CRTAC1: variants seen among roughly 807,000 people sequenced by gnomAD.
The protein encoded by CRTAC1 is acidic secreted protein in cartilage.
Under a neutral mutation model 67.8 loss-of-function variants are expected in CRTAC1, and 37 were observed. The ratio of observed to expected loss-of-function variants is 0.55; its 90% CI spans 0.42 to 0.72. CRTAC1 has a LOEUF of 0.72. CRTAC1 is among the 30% of genes least tolerant of loss of function. The pLI is 0.00. For missense variants in CRTAC1, 780 were observed against 931.6 expected (o/e 0.84, Z 2.12); for synonymous variants, 348 against 371.0 (o/e 0.94, Z 0.71).
chr10:97,954,440 C>T (rs1451725733), intron 2 of CRTAC1, among the ~76,000 whole-genome samples: 2 of 152,154 alleles, frequency 1.3e-5, no homozygotes, highest in African/African-American at 4.8e-5. Context: ...AGCTGGGGTT[C>T]AGGAGGAAAG....
intron 8 of CRTAC1, among the ~76,000 whole-genome samples, chr10:97,898,111 G>C (rs1158605283): frequency 6.6e-6 from 1 of 152,220 alleles, no homozygotes; most frequent in Non-Finnish European, 1.5e-5. Context: ...CTTGGTTCAG[G>C]TGACAATGCA....
At chr10:97,881,202 G>T (rs896574067) in intron 13 of CRTAC1, among the ~76,000 whole-genome samples, 2 of 152,142 alleles carry the variant, frequency 1.3e-5, no homozygotes, top group Non-Finnish European at 2.9e-5. Context: ...GCAAAATTCA[G>T]ACTCCCTACA....
At chr10:97,967,043 G>A (rs565799805) in intron 2 of CRTAC1, among the ~76,000 whole-genome samples, 1 of 150,084 alleles carries the variant, frequency 6.7e-6, no homozygotes, top group South Asian at 2.1e-4. Context: ...TCACTATGCG[G>A]CACCTACGCA....
chr10:97,999,406 T>C (rs1446413794), intron 2 of CRTAC1, among the ~76,000 whole-genome samples: 1 of 152,234 alleles, frequency 6.6e-6, no homozygotes, highest in Non-Finnish European at 1.5e-5. Context: ...CCGGGCACTG[T>C]TGTGGCCCAG....
chr10:97,880,343 G>C lies in CRTAC1; in HGVS notation c.1725C>G (p.Pro575=), dbSNP rs769489292. The part of the protein sequence containing the change: ...QFPFVCPRDK[P]VCVNTYGSYR... ...AGCTTCCATAGGTGTTGACACATAC[G>C]GGCTTGTCTCGAGGGCACACGAATG... Residue 575 remains proline, a synonymous_variant, in exon 14 of 15, where the codon CCC becomes CCG. Transcript: ENST00000370597. The C allele has an allele frequency of 6.2e-7, 1 of 1,614,170 alleles. No individual in the cohort carries two copies. The highest frequency in any genetic ancestry group is 8.5e-7 in the Non-Finnish European group (1 of 1,179,990).
chr10:97,934,486 G>GCCCCTT (rs60934899), intron 3 of CRTAC1, among the ~76,000 whole-genome samples: 2 of 152,068 alleles, frequency 1.3e-5, no homozygotes, highest in Non-Finnish European at 2.9e-5. Context: ...CCCTGCCCCT[G>GCCCCTT]GCATAAGCCC....
chr10:97,913,937 C>A (rs571413990), intron 5 of CRTAC1, among the ~76,000 whole-genome samples: 115 of 152,378 alleles, frequency 7.5e-4, no homozygotes, highest in African/African-American at 2.7e-3. Flanking sequence ...TAAATCAGAT[C>A]TGCCCTCCGC....
At chr10:97,950,754 G>A (rs2051342230) in intron 2 of CRTAC1, among the ~76,000 whole-genome samples, 1 of 152,178 alleles carries the variant, frequency 6.6e-6, no homozygotes, top group African/African-American at 2.4e-5. Flanking sequence ...GCTAGCCCAG[G>A]GCTCTGTCCA....
At chr10:97,964,432 A>G (rs1267406325) in intron 2 of CRTAC1, among the ~76,000 whole-genome samples, 2 of 152,228 alleles carry the variant, frequency 1.3e-5, no homozygotes, top group Admixed American at 6.5e-5. Flanking sequence ...AGGCCATCAG[A>G]GAATGAATGA....
chr10:97,986,745 C>G (rs1009791780), intron 2 of CRTAC1, among the ~76,000 whole-genome samples: 1 of 152,158 alleles, frequency 6.6e-6, no homozygotes, highest in Admixed American at 6.5e-5. Flanking sequence ...TGGCCCTGCC[C>G]TGCTTTGGGA....
intron 7 of CRTAC1, among the ~76,000 whole-genome samples, chr10:97,903,563 G>A (rs1302150841): frequency 6.6e-6 from 1 of 151,982 alleles, no homozygotes; most frequent in African/African-American, 2.4e-5. Flanking sequence ...TGGTAGGGGT[G>A]GCCTCTTCTT....
chr10:97,964,720 CTAAT>C (rs1275253815), intron 2 of CRTAC1, among the ~76,000 whole-genome samples: 2 of 152,198 alleles, frequency 1.3e-5, no homozygotes, highest in African/African-American at 4.8e-5. Context: ...GCACAGGTGT[CTAAT>C]TAAGTTCAGA....
chr10:97,904,028 G>C (rs1410069371), intron 7 of CRTAC1, among the ~76,000 whole-genome samples: 1 of 146,160 alleles, frequency 6.8e-6, no homozygotes, highest in African/African-American at 2.8e-5. Context: ...GAGTGTGCAG[G>C]GGATGCCATC....
At chr10:97,995,298 A>T (rs2136677060) in intron 2 of CRTAC1, among the ~76,000 whole-genome samples, 1 of 152,186 alleles carries the variant, frequency 6.6e-6, no homozygotes, top group East Asian at 1.9e-4. Context: ...CCCCCAACAT[A>T]CACACAAACA....
At chr10:97,973,478 T>C (rs1443946296) in intron 2 of CRTAC1, among the ~76,000 whole-genome samples, 3 of 152,016 alleles carry the variant, frequency 2.0e-5, no homozygotes, top group Non-Finnish European at 4.4e-5. Context: ...ACTTCTTGTT[T>C]ACTTCCTATC....
intron 1 of CRTAC1, among the ~76,000 whole-genome samples, chr10:98,018,215 A>C (rs1843040188): frequency 7.5e-6 from 1 of 134,170 alleles, no homozygotes; most frequent in Non-Finnish European, 1.7e-5. Context: ...AAAAAAAAAA[A>C]AAAAAAAAAA....
intron 5 of CRTAC1, among the ~76,000 whole-genome samples, chr10:97,916,151 C>T (rs1289438888): frequency 1.3e-5 from 2 of 149,560 alleles, no homozygotes; most frequent in Non-Finnish European, 3.0e-5. Flanking sequence ...AGTGCTTCAT[C>T]CCCCCAGTGC....
At chr10:97,934,951 T>C (rs1248123051) in intron 3 of CRTAC1, among the ~76,000 whole-genome samples, 1 of 13,282 alleles carries the variant, frequency 7.5e-5, no homozygotes, top group Non-Finnish European at 1.3e-4. Flanking sequence ...AGCATCGCGG[T>C]GGAGGGGGCG....
At chr10:97,897,030 A>G in intron 8 of CRTAC1, 39 bp from the exon 9 acceptor site, 1 of 1,478,152 alleles carries the variant, frequency 6.8e-7, no homozygotes, top group Non-Finnish European at 9.2e-7. Context: ...GTGGGGTCTC[A>G]GAGGCCGCTG....
Sources: allele counts gnomAD v4.1 joint callset (sites outside exome capture counted in the v4.1 genomes callset), GRCh38; gene constraint gnomAD v4.1.1; transcripts MANE v1.5; gene names NCBI Gene and HGNC (gene_info 2026-07-23, HGNC 2026-07-21).